The following UBE2B variants were observed in gnomAD, a reference collection of about 807,000 sequenced individuals.
The protein encoded by UBE2B is ubiquitin conjugating enzyme E2 B.
A neutral mutation model predicts 24.6 loss-of-function variants in UBE2B; 11 were observed. The observed-to-expected ratio is 0.45, with a 90% CI of 0.28 to 0.74. The LOEUF (loss-of-function observed/expected upper bound fraction) is 0.74. Ranked by LOEUF, UBE2B falls within the 30% of genes least tolerant of loss-of-function variation. The pLI, the probability that UBE2B is intolerant of heterozygous loss-of-function variation, is 0.13. For synonymous variants in UBE2B, 68 were observed against 62.4 expected (o/e 1.09, Z -0.42); for missense variants, 78 against 185.6 (o/e 0.42, Z 3.37).
intron 4 of UBE2B, among the ~76,000 whole-genome samples, chr5:134,385,441 T>C (rs980094849): frequency 5.3e-5 from 8 of 152,256 alleles, no homozygotes; most frequent in Non-Finnish European, 7.3e-5. Context: ...CTCTCTGTTA[T>C]GGTTTGCTCC....
At chr5:134,380,265 C>T (rs764108873) in intron 3 of UBE2B, among the ~76,000 whole-genome samples, 7 of 152,110 alleles carry the variant, frequency 4.6e-5, no homozygotes, top group South Asian at 2.1e-4. Flanking sequence ...GTGTGTGAGA[C>T]GGAGTCTTGC....
chr5:134,376,894 G>T (rs1254072514), intron 3 of UBE2B, among the ~76,000 whole-genome samples, 200 bp downstream of exon 3: 1 of 152,084 alleles, frequency 6.6e-6, no homozygotes, highest in Non-Finnish European at 1.5e-5. Context: ...AATATTAAAG[G>T]TTACTTTAAT....
chr5:134,371,806 C>A (rs1758438725), intron 1 of UBE2B, among the ~76,000 whole-genome samples, 167 bp downstream of exon 1: 1 of 152,200 alleles, frequency 6.6e-6, no homozygotes, highest in South Asian at 2.1e-4. Context: ...ATAAGCTTTG[C>A]CGCTCGTTCT....
At chr5:134,384,354 T>A (rs1323797586) in intron 4 of UBE2B, among the ~76,000 whole-genome samples, 2 of 152,178 alleles carry the variant, frequency 1.3e-5, no homozygotes, top group Non-Finnish European at 1.5e-5. Flanking sequence ...AGCTGCCTTT[T>A]TTGCTTTTTT....
At chr5:134,386,745 T>C (rs1581326314) in intron 4 of UBE2B, among the ~76,000 whole-genome samples, 1 of 152,200 alleles carries the variant, frequency 6.6e-6, no homozygotes, top group African/African-American at 2.4e-5. Context: ...ACATATACTT[T>C]AAATGAATTT....
At chr5:134,372,112 A>G (rs1315488128) in intron 1 of UBE2B, among the ~76,000 whole-genome samples, 1 of 152,086 alleles carries the variant, frequency 6.6e-6, no homozygotes, top group East Asian at 1.9e-4. Context: ...ACTCCTGCCA[A>G]TCCTTTCCAT....
At chr5:134,382,164 C>A (rs916584239) in intron 4 of UBE2B, among the ~76,000 whole-genome samples, 5 of 151,826 alleles carry the variant, frequency 3.3e-5, no homozygotes, top group African/African-American at 4.8e-5. Context: ...TTCAAAAATA[C>A]AATTTTGGCC....
At chr5:134,380,954 GATT>G in intron 4 of UBE2B, 146 bp downstream of exon 4, 14 of 218,738 alleles carry the variant, frequency 6.4e-5, no homozygotes, top group Non-Finnish European at 9.2e-5. Flanking sequence ...TTTTGTTGTG[GATT>G]TTTTTTTTTT....
chr5:134,381,030 G>C (rs1166576699), intron 4 of UBE2B, among the ~76,000 whole-genome samples: 1 of 140,812 alleles, frequency 7.1e-6, no homozygotes, highest in Non-Finnish European at 1.5e-5. Flanking sequence ...GCAGTGGCGC[G>C]ATCTCGGCTC....
At position 134,390,440 on chromosome 5, in the gene UBE2B, G is replaced by A; in HGVS notation, c.*87G>A. The A allele has an allele frequency of 1.9e-6, 3 of 1,549,158 alleles. No homozygotes were observed. Among genetic ancestry groups the A allele is most frequent in the East Asian group, 2.3e-5 (1 of 44,208 alleles). Reference sequence around the variant, plus strand: ...AGGCTAACAAATTTTAAGTGCCACAGGTTTTAAGGATTCTGCAGAAAAAAA... The same window carrying A: ...AGGCTAACAAATTTTAAGTGCCACAAGTTTTAAGGATTCTGCAGAAAAAAA... On this transcript the variant is annotated 3_prime_UTR_variant, in exon 6 of 6. Coordinates refer to ENST00000265339, the MANE Select transcript of UBE2B (RefSeq NM_003337.4). The surrounding 1 kb of genome is among the most constrained non-coding windows in gnomAD (Gnocchi z 4.6).
intron 5 of UBE2B, 125 bp downstream of exon 5, chr5:134,388,538 C>G (rs1168571209): frequency 1.2e-6 from 1 of 833,154 alleles, no homozygotes; most frequent in Non-Finnish European, 2.0e-6. Flanking sequence ...TAACTTTTCT[C>G]TTTCAGTAGT....
At chr5:134,376,648 C>T (rs1272297151) in intron 2 of UBE2B, 21 bp from the exon 3 acceptor site, 1 of 1,610,528 alleles carries the variant, frequency 6.2e-7, no homozygotes, top group Admixed American at 1.7e-5. Context: ...TTCTTTTAAT[C>T]AGAAATCTTC....
At chr5:134,384,358 C>CT (rs112579218) in intron 4 of UBE2B, among the ~76,000 whole-genome samples, 162 of 146,936 alleles carry the variant, frequency 1.1e-3, no homozygotes, top group Admixed American at 1.7e-3. Flanking sequence ...GCCTTTTTTG[C>CT]TTTTTTTTTT....
Position 134,390,035 on chromosome 5 carries a change from TAGC to T in UBE2B, c.331-184_331-182del, listed in dbSNP as rs571016739. 5.5e-4 allele frequency: 345 copies of T among 628,332 alleles called. No individual in the cohort carries two copies. Among genetic ancestry groups the T allele is most frequent in the African/African-American group, 5.4e-3 (296 of 54,346 alleles). 38.9% of individuals were successfully genotyped at this position (628,332 alleles called of 1,614,324 possible). On this transcript the variant is annotated intron_variant, in intron 5 of 5. Coordinates refer to ENST00000265339, the MANE Select transcript of UBE2B (RefSeq NM_003337.4). This position sits in a 1 kb window ranked among gnomAD's most constrained non-coding sequence, Gnocchi z 4.6. ...CTTTATTTCAGAAGCTTAAGTTCCT[TAGC>T]AGCAGGAAACCCCATAGTATTTATC...
chr5:134,380,697 AATT>A lies in UBE2B; in HGVS notation c.152-18_152-16del. 1 of 1,367,696 alleles carries A rather than the reference AATT, an allele frequency of 7.3e-7. No homozygotes were observed. The highest frequency in any genetic ancestry group is 1.0e-6 in the Non-Finnish European group (1 of 961,184). The allele number at this position is 1,367,696 out of a possible 1,614,324, so 84.7% of individuals were successfully genotyped here. A position where few individuals can be genotyped will look rare whatever the true frequency, so the allele number is the denominator to read the frequency against. ...AAAAAGTCGTGCTTGTCTTTACTAT[AATT>A]ATTTTGTTTTCTCTCTAGGTACTTT... On this transcript the variant is annotated intron_variant, in intron 3 of 5. Transcript: ENST00000265339.
At chr5:134,388,786 C>T (rs754243737) in intron 5 of UBE2B, among the ~76,000 whole-genome samples, 4 of 151,972 alleles carry the variant, frequency 2.6e-5, no homozygotes, top group Non-Finnish European at 5.9e-5. Context: ...AACCATTTGT[C>T]GAAGCAGTCT....
intron 3 of UBE2B, among the ~76,000 whole-genome samples, chr5:134,379,748 A>T (rs1463375461): frequency 3.9e-5 from 6 of 152,022 alleles, no homozygotes; most frequent in Non-Finnish European, 4.4e-5. Context: ...ACTAAACGGT[A>T]TTGTAATAGA....
At chr5:134,373,182 A>T (rs1758522120) in intron 1 of UBE2B, among the ~76,000 whole-genome samples, 1 of 152,188 alleles carries the variant, frequency 6.6e-6, no homozygotes, top group Admixed American at 6.5e-5. Context: ...CTGGCAGAAA[A>T]CCTACTAATT....
chr5:134,383,473 CTTTTTTTTTT>C (rs747399191), intron 4 of UBE2B, among the ~76,000 whole-genome samples: 4 of 80,042 alleles, frequency 5.0e-5, no homozygotes, highest in Admixed American at 1.4e-4. Context: ...CCATACCCAG[CTTTTTTTTTT>C]TTTTTTTTTT....
Sources: allele counts gnomAD v4.1 joint callset (sites outside exome capture counted in the v4.1 genomes callset), GRCh38; gene constraint gnomAD v4.1.1; non-coding constraint Gnocchi (gnomAD v3.1); transcripts MANE v1.5; gene names NCBI Gene and HGNC (gene_info 2026-07-23, HGNC 2026-07-21).